The following RAP1GAP2 variants were observed in gnomAD, a reference collection of about 807,000 sequenced individuals.
RAP1GAP2 encodes the protein RAP1 GTPase activating protein 2.
A neutral mutation model predicts 95.0 loss-of-function variants in RAP1GAP2; 27 were observed. The ratio of observed to expected loss-of-function variants is 0.28; its 90% CI spans 0.21 to 0.39. RAP1GAP2 has a LOEUF of 0.39. Ranked by LOEUF, RAP1GAP2 falls within the 10% of genes least tolerant of loss-of-function variation. The pLI is 1.00. For synonymous variants in RAP1GAP2, 373 were observed against 380.9 expected (o/e 0.98, Z 0.24); for missense variants, 771 against 970.0 (o/e 0.79, Z 2.72).
chr17:2,987,515 C>T (rs2045597005), intron 11 of RAP1GAP2, among the ~76,000 whole-genome samples: 1 of 152,102 alleles, frequency 6.6e-6, no homozygotes, highest in African/African-American at 2.4e-5. Context: ...GCAGGCACCA[C>T]CACGCCCAGC....
intron 8 of RAP1GAP2, among the ~76,000 whole-genome samples, chr17:2,966,593 G>A (rs369459435): frequency 2.6e-5 from 4 of 152,172 alleles, no homozygotes; most frequent in Non-Finnish European, 5.9e-5. Flanking sequence ...GTGGGGGTCC[G>A]TGGTTTCAGG....
intron 4 of RAP1GAP2, among the ~76,000 whole-genome samples, chr17:2,960,320 A>G (rs1233843844): frequency 1.3e-5 from 2 of 152,016 alleles, no homozygotes; most frequent in Non-Finnish European, 2.9e-5. Flanking sequence ...TGCAGGCCAA[A>G]CAAAACAGAC....
intron 2 of RAP1GAP2, among the ~76,000 whole-genome samples, chr17:2,840,393 C>T (rs1199178977): frequency 6.6e-6 from 1 of 152,054 alleles, no homozygotes; most frequent in Non-Finnish European, 1.5e-5. Context: ...AAACTCCTGA[C>T]CTCAGGTGAT....
chr17:2,907,289 CG>C lies in RAP1GAP2; in HGVS notation c.165+1923del, dbSNP rs1597576782. Reference sequence around the variant, plus strand: ...AGGGGTAGGTCCTAGAGGGAAATGGCGGTGGTACCATGAGAAGAAGGGGAAG... The same window carrying C: ...AGGGGTAGGTCCTAGAGGGAAATGGCGTGGTACCATGAGAAGAAGGGGAAG... On this transcript the variant is annotated intron_variant, in intron 3 of 24. Coordinates refer to ENST00000254695, the MANE Select transcript of RAP1GAP2 (RefSeq NM_015085.5). 2.6e-5 allele frequency among the ~76,000 whole-genome samples: 4 copies of C among 152,034 alleles called. No homozygotes were observed. In the South Asian group the frequency reaches 8.3e-4, roughly 32 times the overall value.
At chr17:2,777,927 C>G (rs1328963599) in intron 1 of RAP1GAP2, among the ~76,000 whole-genome samples, 2 of 150,728 alleles carry the variant, frequency 1.3e-5, no homozygotes, top group Non-Finnish European at 2.9e-5. Flanking sequence ...GGGGAGTAAA[C>G]AGCTTGCACA....
intron 19 of RAP1GAP2, among the ~76,000 whole-genome samples, chr17:3,022,771 CTG>C (rs2046999756): frequency 6.6e-6 from 1 of 152,134 alleles, no homozygotes; most frequent in African/African-American, 2.4e-5. Flanking sequence ...CTTTTGTTGT[CTG>C]TGGTTTTGAG....
chr17:2,881,473 C>T (rs1022685013), intron 2 of RAP1GAP2, among the ~76,000 whole-genome samples: 3 of 152,190 alleles, frequency 2.0e-5, no homozygotes, highest in East Asian at 1.9e-4. Flanking sequence ...GAATCCGTAA[C>T]GGCACTTCAT....
chr17:3,009,615 G>A lies in RAP1GAP2; in HGVS notation c.1494+1470G>A, dbSNP rs566030208. 2.0e-5 allele frequency among the ~76,000 whole-genome samples: 3 copies of A among 152,322 alleles called. No individual in the cohort carries two copies. The East Asian group carries it at 5.8e-4, about 29-fold the overall frequency. On this transcript the variant is annotated intron_variant, in intron 17 of 24. Coordinates refer to ENST00000254695, the MANE Select transcript of RAP1GAP2 (RefSeq NM_015085.5). ...GGGGTCAGTCCCCCACTGCCCGGCT[G>A]GACCGCAGAGAGCAGGGCACAGCTC...
intron 1 of RAP1GAP2, among the ~76,000 whole-genome samples, chr17:2,781,091 C>T (rs779814512): frequency 6.6e-5 from 10 of 152,204 alleles, no homozygotes; most frequent in African/African-American, 1.2e-4. Flanking sequence ...AAGGCTGTGC[C>T]GAGCCCCTGG....
chr17:2,993,248 G>C lies in RAP1GAP2; in HGVS notation c.914+1851G>C, dbSNP rs141668387. 4.8e-3 allele frequency among the ~76,000 whole-genome samples: 715 copies of C among 148,680 alleles called. 6 individuals carry two copies. Among genetic ancestry groups the C allele is most frequent in the African/African-American group, 0.017 (675 of 40,540 alleles). ...AAAAAAAAAAAAGGAGGTAAAGATA[G>C]TGTCAGCCCTAAAAGGTTTTGGGGG... On this transcript the variant is annotated intron_variant, in intron 12 of 24. Transcript: ENST00000254695.
chr17:2,860,896 G>A (rs973831029), intron 2 of RAP1GAP2, among the ~76,000 whole-genome samples: 7 of 152,066 alleles, frequency 4.6e-5, no homozygotes, highest in African/African-American at 1.7e-4. Context: ...GTGAGTCACC[G>A]CGCCTGGCCG....
At chr17:2,771,479 C>CTTTTTTTTTTTTTTTTTT (rs775623366) in intron 2 of RAP1GAP2, among the ~76,000 whole-genome samples, 1 of 131,788 alleles carries the variant, frequency 7.6e-6, no homozygotes. Context: ...ATCAAAGCCA[C>CTTTTTTTTTTTTTTTTTT]TTTTTTGTTT....
chr17:2,879,990 G>A (rs2073229103), intron 2 of RAP1GAP2, among the ~76,000 whole-genome samples: 1 of 152,054 alleles, frequency 6.6e-6, no homozygotes, highest in Admixed American at 6.6e-5. Context: ...GACCAGGTAG[G>A]CCTGATTCCT....
chr17:2,799,447 TG>T (rs2069190816), intron 1 of RAP1GAP2, among the ~76,000 whole-genome samples: 1 of 152,188 alleles, frequency 6.6e-6, no homozygotes, highest in African/African-American at 2.4e-5. Flanking sequence ...GGGTGACTTG[TG>T]GGCTGGCTCA....
intron 19 of RAP1GAP2, among the ~76,000 whole-genome samples, chr17:3,021,777 G>A (rs964993293): frequency 6.6e-6 from 1 of 152,192 alleles, no homozygotes; most frequent in Non-Finnish European, 1.5e-5. Flanking sequence ...TTAACATAAT[G>A]ACCTCCAATT....
rs143848540 is a variant in RAP1GAP2 at position 2,967,095 on chromosome 17, A to G, written c.596+1452A>G. On this transcript the variant is annotated intron_variant, in intron 8 of 24. Transcript: ENST00000254695. ...TTAGAAAGCAGTGTTGTGGCCAGGCACGGTGGCTCACGCCTGTAATCCCAG... is the reference window on the plus strand; with the variant it reads ...TTAGAAAGCAGTGTTGTGGCCAGGCGCGGTGGCTCACGCCTGTAATCCCAG... 6.0e-3 allele frequency among the ~76,000 whole-genome samples: 918 copies of G among 152,298 alleles called. 15 individuals are homozygous for G. The highest frequency in any genetic ancestry group is 0.02 in the African/African-American group (813 of 41,548).
intron 3 of RAP1GAP2, among the ~76,000 whole-genome samples, chr17:2,941,291 A>G (rs1382681861): frequency 6.6e-6 from 1 of 152,064 alleles, no homozygotes; most frequent in Non-Finnish European, 1.5e-5. Context: ...AATCCCAGCT[A>G]CTCGGGAAGC....
At chr17:2,935,475 C>T (rs552175186) in intron 3 of RAP1GAP2, among the ~76,000 whole-genome samples, 1 of 152,206 alleles carries the variant, frequency 6.6e-6, no homozygotes, top group South Asian at 2.1e-4. Context: ...CCATTGCACT[C>T]CAGCCTGGGC....
At chr17:3,030,062 G>C (rs1287011556) in intron 22 of RAP1GAP2, among the ~76,000 whole-genome samples, 1 of 146,776 alleles carries the variant, frequency 6.8e-6, no homozygotes, top group Non-Finnish European at 1.5e-5. Flanking sequence ...TACATATATA[G>C]TATATACATA....
Sources: allele counts gnomAD v4.1 joint callset (sites outside exome capture counted in the v4.1 genomes callset), GRCh38; gene constraint gnomAD v4.1.1; transcripts MANE v1.5; gene names NCBI Gene and HGNC (gene_info 2026-07-23, HGNC 2026-07-21).